Variants in BMF observed in about 807,000 individuals in gnomAD.
BMF encodes Bcl2 modifying factor, also known as bcl-2-modifying factor.
A neutral mutation model predicts 22.0 loss-of-function variants in BMF; 10 were observed. The observed-to-expected ratio is 0.45, with a 90% CI of 0.28 to 0.77. The LOEUF (loss-of-function observed/expected upper bound fraction) is 0.77. Ranked by LOEUF, BMF falls within the 30% of genes least tolerant of loss-of-function variation. The pLI is 0.13. For missense variants in BMF, 206 were observed against 226.8 expected (o/e 0.91, Z 0.59); for synonymous variants, 87 against 88.1 (o/e 0.99, Z 0.07).
At chr15:40,107,567 T>C (rs2036613921) in intron 2 of BMF, among the ~76,000 whole-genome samples, 1 of 150,288 alleles carries the variant, frequency 6.7e-6, no homozygotes, top group South Asian at 2.1e-4. Context: ...TGTGTGTGTG[T>C]GTGTGTGTAT....
At chr15:40,102,564 G>C (rs2036501464) in intron 4 of BMF, among the ~76,000 whole-genome samples, 1 of 152,134 alleles carries the variant, frequency 6.6e-6, no homozygotes, top group Non-Finnish European at 1.5e-5. Flanking sequence ...CAAGCCTATA[G>C]AGGCTCACCA....
At chr15:40,094,260 T>G (rs898285515) in intron 4 of BMF, among the ~76,000 whole-genome samples, 16 of 152,134 alleles carry the variant, frequency 1.1e-4, no homozygotes, top group Non-Finnish European at 1.0e-4. Flanking sequence ...AGGCACAGAC[T>G]CCCATCATCT....
At chr15:40,092,794 G>A (rs1220030585) in intron 4 of BMF, among the ~76,000 whole-genome samples, 1 of 151,982 alleles carries the variant, frequency 6.6e-6, no homozygotes, top group Non-Finnish European at 1.5e-5. Context: ...CTGGGGGGGT[G>A]GAAACTGGGG....
At chr15:40,107,643 G>T (rs1386452801) in intron 2 of BMF, among the ~76,000 whole-genome samples, 1 of 151,742 alleles carries the variant, frequency 6.6e-6, no homozygotes, top group Non-Finnish European at 1.5e-5. Flanking sequence ...CCTGATGAAA[G>T]GACCAAGTGC....
rs1046161685 is a variant in BMF, at chr15:40,108,261, G to A, written c.-8C>T. The A allele has an allele frequency of 1.5e-5, 2 of 134,298 alleles. No homozygotes were observed. The highest frequency in any genetic ancestry group is 5.4e-5 in the African/African-American group (2 of 37,166). The allele number at this position is 134,298 out of a possible 1,614,324, so 8.3% of individuals were successfully genotyped here. On this transcript the variant is annotated splice_region_variant and 5_prime_UTR_variant, in exon 2 of 5. Transcript: ENST00000354670. ...ACACACACACACACACCCCAGACCT[G>A]GGTGACTCCAGGAGAGAGTCTCGGC...
rs148393899 is a variant in BMF, at chr15:40,095,465, G to A, written c.454-3577C>T. Among the ~76,000 whole-genome samples, 155 of 152,304 alleles carry A rather than the reference G, an allele frequency of 1.0e-3. 1 individual carries two copies. In the East Asian group the frequency reaches 0.029, roughly 29 times the overall value. On this transcript the variant is annotated intron_variant, in intron 4 of 4. Coordinates refer to ENST00000354670, the MANE Select transcript of BMF (RefSeq NM_001003940.2). ...GAGGGTGTGGAGGAGAAGGGGAAGA[G>A]AGGGGAACCAGGAATGAGTGTACTT... is the stretch of plus-strand genomic sequence containing the variant.
intron 4 of BMF, 47 bp downstream of exon 4, chr15:40,104,133 C>G (rs781398834): frequency 6.2e-7 from 1 of 1,607,722 alleles, no homozygotes; most frequent in Non-Finnish European, 8.5e-7. Context: ...CCCTGGCCCC[C>G]AAGCCCCAGC....
intron 4 of BMF, among the ~76,000 whole-genome samples, chr15:40,099,582 A>G (rs1277495754): frequency 6.6e-6 from 1 of 152,004 alleles, no homozygotes; most frequent in Non-Finnish European, 1.5e-5. Context: ...AGTTCAAGAC[A>G]AGCCTGACCG....
chr15:40,105,749 T>C, intron 3 of BMF, 46 bp downstream of exon 3: 1 of 1,528,770 alleles, frequency 6.5e-7, no homozygotes, highest in Non-Finnish European at 8.8e-7. Flanking sequence ...GTCCCCTCTT[T>C]TCCCCCAGTC....
At chr15:40,094,381 A>C (rs1429703169) in intron 4 of BMF, among the ~76,000 whole-genome samples, 1 of 152,154 alleles carries the variant, frequency 6.6e-6, no homozygotes, top group African/African-American at 2.4e-5. Context: ...GGCAGGATAC[A>C]TGGGCCGGCC....
At chr15:40,108,123 A>G (rs1490493246) in intron 2 of BMF, 136 bp downstream of exon 2, 1 of 152,448 alleles carries the variant, frequency 6.6e-6, no homozygotes, top group African/African-American at 2.4e-5. Flanking sequence ...AGCCATCCCA[A>G]CCCCTAAGGG....
Position 40,104,299 on chromosome 15 carries a change from C to A in BMF, c.334G>T (p.Ala112Ser), listed in dbSNP as rs772994326. 4 of 1,614,110 alleles carry A rather than the reference C, an allele frequency of 2.5e-6. No homozygotes were observed. Among genetic ancestry groups the A allele is most frequent in the Non-Finnish European group, 3.4e-6 (4 of 1,180,036 alleles). ...YRLPLPASFP[A>S]VLPIGEQPPE... ...GGCTGCTCCCCAATGGGCAAGACTG[C>A]TGGGAAACTGGCAGGGAGAGGAAGC... Residue 112 changes from alanine to serine, a missense_variant, in exon 4 of 5, where the codon GCA becomes TCA. Ala to Ser is a moderately conservative substitution (Grantham distance 99). Transcript: ENST00000354670.
intron 3 of BMF, among the ~76,000 whole-genome samples, chr15:40,105,126 C>T (rs1468917894): frequency 6.6e-5 from 10 of 152,266 alleles, no homozygotes; most frequent in Admixed American, 6.5e-4. Context: ...GCTCGTCAGA[C>T]ACAGTAAGCC....
In BMF at chr15:40,091,960, A is replaced by C. The variant is rs186050881; in HGVS notation, c.454-72T>G. 39 of 1,196,104 alleles carry C rather than the reference A, an allele frequency of 3.3e-5. No individual in the cohort carries two copies. In the African/African-American group the frequency reaches 4.6e-4, roughly 14 times the overall value. The allele number at this position is 1,196,104 out of a possible 1,614,324, so 74.1% of individuals were successfully genotyped here. On this transcript the variant is annotated intron_variant, in intron 4 of 4. Transcript: ENST00000354670. ...TCTTAGACGACTCCCTCTCATTTCCAGTAAAAGTTCAGATCTCCAAGTCTC... is the reference window on the plus strand; with the variant it reads ...TCTTAGACGACTCCCTCTCATTTCCCGTAAAAGTTCAGATCTCCAAGTCTC...
At chr15:40,093,362 G>T (rs762894433) in intron 4 of BMF, among the ~76,000 whole-genome samples, 2 of 152,254 alleles carry the variant, frequency 1.3e-5, no homozygotes, top group African/African-American at 2.4e-5. Flanking sequence ...CGCAGCTCCT[G>T]CCCGGAGGGG....
At chr15:40,096,703 A>T (rs2141013942) in intron 4 of BMF, among the ~76,000 whole-genome samples, 1 of 152,336 alleles carries the variant, frequency 6.6e-6, no homozygotes, top group East Asian at 1.9e-4. Flanking sequence ...GTTTATTGAC[A>T]TTATGAAAAT....
chr15:40,098,791 A>G (rs1215312174), intron 4 of BMF, among the ~76,000 whole-genome samples: 2 of 151,248 alleles, frequency 1.3e-5, no homozygotes, highest in Non-Finnish European at 2.9e-5. Context: ...TTTCCATCCC[A>G]TGGCAGGCCT....
chr15:40,106,129 C>A lies in BMF; in HGVS notation c.-5-38G>T, dbSNP rs1194353417. ...AACGCAGGCATCTGGGCTGCTGCCCCACCAGGGCCATACCTGGAAGGACTC... is the reference window on the plus strand; with the variant it reads ...AACGCAGGCATCTGGGCTGCTGCCCAACCAGGGCCATACCTGGAAGGACTC... On this transcript the variant is annotated intron_variant, in intron 2 of 4. Transcript: ENST00000354670. This position sits in a 1 kb window ranked among gnomAD's most constrained non-coding sequence, Gnocchi z 4.1. 6.5e-7 allele frequency: 1 copy of A among 1,539,156 alleles called. No homozygotes were observed. Among genetic ancestry groups the A allele is most frequent in the South Asian group, 1.2e-5 (1 of 80,210 alleles).
chr15:40,098,936 G>C (rs551060560), intron 4 of BMF, among the ~76,000 whole-genome samples: 93 of 152,272 alleles, frequency 6.1e-4, no homozygotes, highest in African/African-American at 2.1e-3. Flanking sequence ...TATAGCGAGC[G>C]ATATAAACAG....
Sources: gnomAD v4.1 joint callset for allele counts (sites outside exome capture counted in the v4.1 genomes callset) on GRCh38, gnomAD v4.1.1 for gene constraint, Gnocchi (gnomAD v3.1) non-coding constraint, MANE v1.5 for transcripts, NCBI Gene and HGNC (gene_info 2026-07-23, HGNC 2026-07-21) for gene names.